The following RFX3 variants were observed in gnomAD, a reference collection of about 807,000 sequenced individuals.
RFX3 encodes transcription factor RFX3.
In RFX3, 14 loss-of-function variants were observed where a neutral mutation model predicts 98.6. The observed-to-expected ratio is 0.14, with a 90% CI of 0.09 to 0.22. The LOEUF is 0.22. Ranked by LOEUF, RFX3 falls within the 10% of genes least tolerant of loss-of-function variation. The pLI is 1.00. For synonymous variants in RFX3, 383 were observed against 328.4 expected (o/e 1.17, Z -1.80); for missense variants, 639 against 926.9 (o/e 0.69, Z 4.03).
intron 7 of RFX3, among the ~76,000 whole-genome samples, chr9:3,287,874 T>C (rs1042147812): frequency 6.6e-6 from 1 of 151,966 alleles, no homozygotes; most frequent in African/African-American, 2.4e-5. Context: ...ATGTTTTGTG[T>C]TTCATTTCCC....
intron 15 of RFX3, among the ~76,000 whole-genome samples, chr9:3,234,498 G>T (rs1284064439): frequency 6.6e-6 from 1 of 152,102 alleles, no homozygotes; most frequent in Non-Finnish European, 1.5e-5. Context: ...AAAGTTAGCT[G>T]GGTGTGGTGG....
chr9:3,457,911 G>C (rs148571386), intron 1 of RFX3, among the ~76,000 whole-genome samples: 168 of 152,078 alleles, frequency 1.1e-3, no homozygotes, highest in African/African-American at 3.8e-3. Context: ...GGAATTGTAG[G>C]CTTCTATATT....
chr9:3,294,290 T>G (rs1827736760), intron 5 of RFX3, among the ~76,000 whole-genome samples: 1 of 152,142 alleles, frequency 6.6e-6, no homozygotes, highest in Non-Finnish European at 1.5e-5. Flanking sequence ...AGTAAATATT[T>G]CACATTACTT....
chr9:3,406,665 C>G (rs1842003671), intron 1 of RFX3, among the ~76,000 whole-genome samples: 2 of 152,094 alleles, frequency 1.3e-5, no homozygotes, highest in African/African-American at 4.8e-5. Flanking sequence ...TGAAACATTA[C>G]TATTAGAATA....
In RFX3 at chr9:3,219,045, A is replaced by C. The variant is rs1035458814; in HGVS notation, c.*5997T>G. 6.6e-6 allele frequency: 1 copy of C among 152,140 alleles called. No homozygotes were observed. Among genetic ancestry groups the C allele is most frequent in the South Asian group, 2.1e-4 (1 of 4,824 alleles). The allele number at this position is 152,140 out of a possible 1,614,324, so 9.4% of individuals were successfully genotyped here. On this transcript the variant is annotated 3_prime_UTR_variant, in exon 17 of 17. Transcript: ENST00000617270. ...TTAAAAGTTTACCACCTCAGGCACA[A>C]ATTTCCAAGTTTTCTCAAGGCACTC...
intron 1 of RFX3, among the ~76,000 whole-genome samples, chr9:3,508,196 C>T (rs1329675596): frequency 6.6e-6 from 1 of 151,810 alleles, no homozygotes; most frequent in Admixed American, 6.6e-5. Context: ...GACCACGTTC[C>T]ATATTTGAGT....
intron 2 of RFX3, among the ~76,000 whole-genome samples, chr9:3,352,153 A>G (rs1325103798): frequency 6.6e-6 from 1 of 152,046 alleles, no homozygotes; most frequent in African/African-American, 2.4e-5. Flanking sequence ...TTTAAAAAGT[A>G]TGTTGTGGAA....
At chr9:3,499,089 T>A (rs1851308488) in intron 1 of RFX3, among the ~76,000 whole-genome samples, 1 of 152,066 alleles carries the variant, frequency 6.6e-6, no homozygotes, top group Admixed American at 6.6e-5. Flanking sequence ...ATCCTCAGAA[T>A]CCCTAACTAA....
chr9:3,249,630 G>C (rs928222611), intron 14 of RFX3, among the ~76,000 whole-genome samples: 1 of 152,090 alleles, frequency 6.6e-6, no homozygotes, highest in African/African-American at 2.4e-5. Context: ...GATGATGGCA[G>C]AGGACCTCTC....
intron 1 of RFX3, among the ~76,000 whole-genome samples, chr9:3,489,933 T>A (rs1049773024): frequency 2.6e-5 from 4 of 152,044 alleles, no homozygotes; most frequent in African/African-American, 4.8e-5. Flanking sequence ...TGGGGCAGGA[T>A]TGGTTGGGAT....
chr9:3,346,656 T>A lies in RFX3; in HGVS notation c.215+11A>T. The A allele has an allele frequency of 6.4e-7, 1 of 1,561,048 alleles. No homozygotes were observed. The highest frequency in any genetic ancestry group is 1.7e-4 in the Middle Eastern group (1 of 5,958). ...TGGGGGAATTAAAAAGACTTCCACA[T>A]ATAAACTTACATTGCTCCATTGGTA... On this transcript the variant is annotated intron_variant, in intron 3 of 16. Coordinates refer to ENST00000617270, the MANE Select transcript of RFX3 (RefSeq NM_001282116.2).
chr9:3,233,026 G>C (rs754914815), intron 15 of RFX3, among the ~76,000 whole-genome samples: 1 of 152,206 alleles, frequency 6.6e-6, no homozygotes, highest in Non-Finnish European at 1.5e-5. Flanking sequence ...ACAGACAGTA[G>C]AGAAAGCATG....
chr9:3,335,444 T>G (rs1338402762), intron 3 of RFX3, among the ~76,000 whole-genome samples: 1 of 152,182 alleles, frequency 6.6e-6, no homozygotes, highest in African/African-American at 2.4e-5. Context: ...TCATATGAGT[T>G]ACTGCTTGCA....
At chr9:3,524,480 G>A (rs1819014585) in intron 1 of RFX3, 1 of 970,678 alleles carries the variant, frequency 1.0e-6, no homozygotes, top group Non-Finnish European at 1.2e-6. Flanking sequence ...ATATACACAC[G>A]TTTCAAGTTG....
chr9:3,229,823 C>A (rs1818249113), intron 15 of RFX3, among the ~76,000 whole-genome samples: 1 of 152,098 alleles, frequency 6.6e-6, no homozygotes, highest in Admixed American at 6.5e-5. Flanking sequence ...TAAAGAGTTC[C>A]ATGATAGGAG....
intron 2 of RFX3, among the ~76,000 whole-genome samples, chr9:3,366,779 AG>A (rs1275454453): frequency 8.8e-6 from 1 of 113,214 alleles, no homozygotes; most frequent in African/African-American, 3.4e-5. Context: ...TACATTCAAA[AG>A]TCATCTGGGT....
chr9:3,462,850 G>C (rs1007315112), intron 1 of RFX3, among the ~76,000 whole-genome samples: 2 of 151,906 alleles, frequency 1.3e-5, no homozygotes, highest in African/African-American at 4.8e-5. Context: ...TGGGAATAAA[G>C]TTAACAAAAA....
chr9:3,506,492 A>T lies in RFX3; in HGVS notation c.-9+19255T>A, dbSNP rs114604453. ...ATATTCAAAGTAGTCCCCCAAAGCA[A>T]GGTTCCCATAATGCCCCGCATGTCT... On this transcript the variant is annotated intron_variant, in intron 1 of 16. Coordinates refer to ENST00000617270, the MANE Select transcript of RFX3 (RefSeq NM_001282116.2). Among the ~76,000 whole-genome samples, 445 of 151,996 alleles carry T rather than the reference A, an allele frequency of 2.9e-3. 3 individuals carry two copies. Among genetic ancestry groups the T allele is most frequent in the African/African-American group, 0.01 (422 of 41,526 alleles).
At chr9:3,328,341 C>G (rs1220177899) in intron 4 of RFX3, among the ~76,000 whole-genome samples, 1 of 151,758 alleles carries the variant, frequency 6.6e-6, no homozygotes, top group Admixed American at 6.6e-5. Flanking sequence ...TTTTATAATT[C>G]CTTTGTAAAT....
Sources: allele counts gnomAD v4.1 joint callset (sites outside exome capture counted in the v4.1 genomes callset), GRCh38; gene constraint gnomAD v4.1.1; transcripts MANE v1.5; gene names NCBI Gene and HGNC (gene_info 2026-07-23, HGNC 2026-07-21).